NDST1: variants seen among roughly 807,000 people sequenced by gnomAD.
NDST1 encodes N-deacetylase and N-sulfotransferase 1, also known as bifunctional heparan sulfate N-deacetylase/N-sulfotransferase 1.
Under a neutral mutation model 92.8 loss-of-function variants are expected in NDST1, and 35 were observed. The ratio of observed to expected loss-of-function variants is 0.38; its 90% confidence interval spans 0.29 to 0.50. The LOEUF is 0.50. Ranked by LOEUF, NDST1 falls within the 20% of genes least tolerant of loss-of-function variation. The pLI is 0.94. For missense variants in NDST1, 822 were observed against 1,182.7 expected, an observed-to-expected ratio of 0.69 and a Z score of 4.47; for synonymous variants, 493 against 500.3, an observed-to-expected ratio of 0.99 and a Z score of 0.19.
intron 1 of NDST1, among the ~76,000 whole-genome samples, chr5:150,500,436 A>G (rs1354776398): frequency 1.3e-5 from 2 of 152,122 alleles, no homozygotes; most frequent in Non-Finnish European, 2.9e-5. Context: ...CCCTGTGCCA[A>G]TGTTCTGGGC....
At chr5:150,529,696 C>T (rs9918095) in intron 3 of NDST1, among the ~76,000 whole-genome samples, 4,064 of 152,304 alleles carry the variant, frequency 0.027, 187 homozygotes, top group African/African-American at 0.093. Context: ...CATTCTGCTG[C>T]CTGCTGACAG....
intron 3 of NDST1, among the ~76,000 whole-genome samples, chr5:150,531,107 A>T (rs1754710902): frequency 6.6e-6 from 1 of 151,914 alleles, no homozygotes; most frequent in African/African-American, 2.4e-5. Context: ...CCTACAACAG[A>T]GCCCTTCTTT....
intron 2 of NDST1, among the ~76,000 whole-genome samples, chr5:150,526,574 T>C (rs1464444553): frequency 1.3e-5 from 2 of 152,192 alleles, no homozygotes; most frequent in African/African-American, 4.8e-5. Flanking sequence ...CGAAACATCA[T>C]AGCCCCTAAC....
At chr5:150,508,855 C>G (rs1204948773) in intron 1 of NDST1, among the ~76,000 whole-genome samples, 1 of 152,184 alleles carries the variant, frequency 6.6e-6, no homozygotes, top group Non-Finnish European at 1.5e-5. Flanking sequence ...CTATAACCCC[C>G]AGAAGGTCAC....
In NDST1 at chr5:150,527,864, A is replaced by C; in HGVS notation, c.574A>C (p.Asn192His). The C allele has an allele frequency of 1.9e-6, 3 of 1,614,144 alleles. No homozygotes were observed. The African/African-American group carries it at 4.0e-5, about 22-fold the overall frequency. Residue 192 changes from asparagine (N) to histidine (H), a missense_variant, in exon 3 of 15, where the codon AAC becomes CAC. Transcript: ENST00000261797. ...LKGFPLFLHS[N>H]LGLKDCSINP... The stretch of plus-strand genomic sequence containing the variant: ...GGGCTTCCCCCTGTTCCTGCACTCA[A>C]ACCTGGGCCTGAAGGACTGCAGCAT...
At chr5:150,500,799 A>G (rs1753195032) in intron 1 of NDST1, among the ~76,000 whole-genome samples, 1 of 152,264 alleles carries the variant, frequency 6.6e-6, no homozygotes, top group African/African-American at 2.4e-5. Flanking sequence ...AGCCATTTAC[A>G]GCCGGGTAAA....
chr5:150,549,136 C>A (rs1755616070), intron 12 of NDST1, among the ~76,000 whole-genome samples: 1 of 152,144 alleles, frequency 6.6e-6, no homozygotes, highest in African/African-American at 2.4e-5. Context: ...CTCAGCCTCC[C>A]AAGTAGCTGG....
chr5:150,500,475 G>C (rs1581325820), intron 1 of NDST1, among the ~76,000 whole-genome samples: 2 of 152,362 alleles, frequency 1.3e-5, no homozygotes, highest in East Asian at 3.9e-4. Flanking sequence ...TGAGTGCAAT[G>C]TGAGCTATCC....
intron 1 of NDST1, among the ~76,000 whole-genome samples, chr5:150,499,818 T>A (rs1753154055): frequency 6.6e-6 from 1 of 152,216 alleles, no homozygotes. Flanking sequence ...CACCTGCAGC[T>A]GTCACCAGGT....
Position 150,527,855 on chromosome 5 carries a change from C to T in NDST1, c.565C>T (p.Leu189=). The T allele has an allele frequency of 6.2e-7, 1 of 1,614,178 alleles. No homozygotes were observed. Among genetic ancestry groups the T allele is most frequent in the Non-Finnish European group, 8.5e-7 (1 of 1,180,026 alleles). The change falls in exon 3 of 15, where the codon CTG becomes TTG. Residue 189 remains leucine, a synonymous_variant. Transcript: ENST00000261797. Reference sequence around the variant, plus strand: ...GCAGCTCAAGGGCTTCCCCCTGTTCCTGCACTCAAACCTGGGCCTGAAGGA... The same window carrying T: ...GCAGCTCAAGGGCTTCCCCCTGTTCTTGCACTCAAACCTGGGCCTGAAGGA... The part of the protein sequence containing the change: ...SAQLKGFPLF[L]HSNLGLKDCS...
chr5:150,541,655 C>T lies in NDST1; in HGVS notation c.1835C>T (p.Pro612Leu). Residue 612 changes from proline to leucine, a missense_variant, in exon 9 of 15, where the codon CCC (proline) becomes CTC (leucine). Pro to Leu is a moderately conservative substitution (Grantham distance 98). Coordinates refer to ENST00000261797, the MANE Select transcript of NDST1 (RefSeq NM_001543.5). ...TTCCCAAAGCTCCTCATCATCGGCCCCCAGAAAACAGGCAGGTCTCTCTGC... is the reference window on the plus strand; with the variant it reads ...TTCCCAAAGCTCCTCATCATCGGCCTCCAGAAAACAGGCAGGTCTCTCTGC... ...DRFPKLLIIGPQKTGTTALYL... is the reference protein window; with the variant it reads ...DRFPKLLIIGLQKTGTTALYL... 2.5e-6 allele frequency: 4 copies of T among 1,614,134 alleles called. No individual in the cohort carries two copies. The highest frequency in any genetic ancestry group is 3.4e-6 in the Non-Finnish European group (4 of 1,179,986).
intron 9 of NDST1, among the ~76,000 whole-genome samples, chr5:150,542,257 T>C (rs1755278974): frequency 6.6e-6 from 1 of 152,290 alleles, no homozygotes; most frequent in Middle Eastern, 3.4e-3. Context: ...CTCCTTCTCT[T>C]CTGGGCTCTC....
At chr5:150,548,575 T>C (rs1277117299) in intron 12 of NDST1, among the ~76,000 whole-genome samples, 187 bp downstream of exon 12, 1 of 152,176 alleles carries the variant, frequency 6.6e-6, no homozygotes, top group African/African-American at 2.4e-5. Context: ...CTCACTCTGT[T>C]GCCCAGGCTG....
At chr5:150,499,919 C>G (rs1374990112) in intron 1 of NDST1, among the ~76,000 whole-genome samples, 2 of 152,178 alleles carry the variant, frequency 1.3e-5, no homozygotes, top group African/African-American at 4.8e-5. Flanking sequence ...CCTCTGTGTG[C>G]TGAGGCCAGC....
intron 6 of NDST1, 39 bp from the exon 7 acceptor site, chr5:150,539,189 A>G (rs771955154): frequency 3.3e-6 from 5 of 1,518,264 alleles, no homozygotes; most frequent in Non-Finnish European, 4.6e-6. Flanking sequence ...CCCTCATGCC[A>G]GAAGGCACCA....
intron 3 of NDST1, 126 bp from the exon 4 acceptor site, chr5:150,532,819 G>A (rs1754805732): frequency 5.4e-6 from 5 of 918,290 alleles, no homozygotes; most frequent in Admixed American, 1.7e-5. Flanking sequence ...GAGCCACCAC[G>A]CCGTCCTTGA....
intron 1 of NDST1, among the ~76,000 whole-genome samples, chr5:150,508,661 G>A (rs1753577608): frequency 6.6e-6 from 1 of 152,144 alleles, no homozygotes; most frequent in Non-Finnish European, 1.5e-5. Context: ...GCTCTCAGAT[G>A]TTGTGTTTGT....
upstream of NDST1, among the ~76,000 whole-genome samples, chr5:150,505,643 A>G (rs1484951668): frequency 6.6e-6 from 1 of 152,200 alleles, no homozygotes; most frequent in African/African-American, 2.4e-5. Context: ...GATGGCAGGA[A>G]GCTGGGGCCA....
chr5:150,551,184 C>G (rs762256062), intron 13 of NDST1, among the ~76,000 whole-genome samples: 1 of 152,072 alleles, frequency 6.6e-6, no homozygotes, highest in Non-Finnish European at 1.5e-5. Flanking sequence ...CCCAAAAATG[C>G]CTTTGAAGAC....
Sources: allele counts gnomAD v4.1 joint callset (sites outside exome capture counted in the v4.1 genomes callset), GRCh38; gene constraint gnomAD v4.1.1; transcripts MANE v1.5; gene names NCBI Gene and HGNC (gene_info 2026-07-23, HGNC 2026-07-21).